The following DYNLL2 variants were observed in gnomAD, a reference collection of about 807,000 sequenced individuals.
DYNLL2 encodes the protein dynein light chain LC8-type 2.
DYNLL2 carries 1 observed loss-of-function variant against 9.7 expected under a neutral mutation model. The observed-to-expected ratio is 0.10, with a 90% CI of 0.04 to 0.49. The LOEUF (loss-of-function observed/expected upper bound fraction) is 0.49. Among genes scored for constraint, DYNLL2 ranks in the 20% least tolerant of loss-of-function variants. The pLI, the probability that DYNLL2 is intolerant of heterozygous loss-of-function variation, is 0.95. For synonymous variants in DYNLL2, 35 were observed against 40.5 expected (o/e 0.86, Z 0.52); for missense variants, 37 against 115.2 (o/e 0.32, Z 3.11).
In DYNLL2 at chr17:58,090,157, G is replaced by T. The variant is rs116575289; in HGVS notation, c.*878G>T. On this transcript the variant is annotated 3_prime_UTR_variant, in exon 3 of 3. Coordinates refer to ENST00000579991, the MANE Select transcript of DYNLL2 (RefSeq NM_080677.3). ...GCTGGCAAGGGAATTTCTGGTGACT[G>T]TAGTTCCTTAGTTAGGTCTTAGCAA... The T allele has an allele frequency of 2.5e-3, 929 of 374,082 alleles. 5 individuals carry two copies. The highest frequency in any genetic ancestry group is 0.017 in the African/African-American group (804 of 48,186). The allele number at this position is 374,082 out of a possible 1,614,324, so 23.2% of individuals were successfully genotyped here. A position where few individuals can be genotyped will look rare whatever the true frequency, so the allele number is the denominator to read the frequency against.
chr17:58,090,684 TGA>T lies in DYNLL2; in HGVS notation c.*1409_*1410del, dbSNP rs1255482066. 1 of 144,608 alleles carries T rather than the reference TGA, an allele frequency of 6.9e-6. No individual in the cohort carries two copies. Among genetic ancestry groups the T allele is most frequent in the African/African-American group, 2.6e-5 (1 of 38,198 alleles). The allele number at this position is 144,608 out of a possible 1,614,324, so 9.0% of individuals were successfully genotyped here. On this transcript the variant is annotated 3_prime_UTR_variant, in exon 3 of 3. Coordinates refer to ENST00000579991, the MANE Select transcript of DYNLL2 (RefSeq NM_080677.3). ...GGACATAGGAGATGGAGCAGGGCTG[TGA>T]GAGGAGGAGATTCTGAGGAGGATGC...
intron 2 of DYNLL2, among the ~76,000 whole-genome samples, chr17:58,088,865 G>C (rs1355449731): frequency 6.6e-6 from 1 of 152,164 alleles, no homozygotes; most frequent in African/African-American, 2.4e-5. Flanking sequence ...GGGGTAGCTA[G>C]AGGGAGGAGA....
chr17:58,090,178 A>G lies in DYNLL2; in HGVS notation c.*899A>G, dbSNP rs137955354. 8.5e-6 allele frequency: 3 copies of G among 353,944 alleles called. No individual in the cohort carries two copies. The highest frequency in any genetic ancestry group is 4.2e-5 in the African/African-American group (2 of 47,760). 21.9% of individuals were successfully genotyped at this position (353,944 alleles called of 1,614,324 possible). A position where few individuals can be genotyped will look rare whatever the true frequency, so the allele number is the denominator to read the frequency against. ...GACTGTAGTTCCTTAGTTAGGTCTT[A>G]GCAATCAAACCAAATTGATGTCTCC... On this transcript the variant is annotated 3_prime_UTR_variant, in exon 3 of 3. Transcript: ENST00000579991.
At chr17:58,088,259 A>G (rs2075767783) in intron 2 of DYNLL2, among the ~76,000 whole-genome samples, 2 of 152,200 alleles carry the variant, frequency 1.3e-5, no homozygotes, top group Admixed American at 1.3e-4. Context: ...TATTACACAT[A>G]GTCTTGAGCC....
At chr17:58,087,370 G>A (rs952919340) in intron 2 of DYNLL2, 148 bp downstream of exon 2, 17 of 1,169,354 alleles carry the variant, frequency 1.5e-5, no homozygotes, top group East Asian at 5.3e-5. Context: ...ACAAACTAGC[G>A]AGTGATTCCG....
chr17:58,088,941 A>G (rs888209702), intron 2 of DYNLL2, among the ~76,000 whole-genome samples: 5 of 152,010 alleles, frequency 3.3e-5, no homozygotes, highest in African/African-American at 1.2e-4. Flanking sequence ...GTGGTGTTCC[A>G]TTATTAATGA....
intron 1 of DYNLL2, among the ~76,000 whole-genome samples, chr17:58,086,010 A>T (rs908795464): frequency 6.6e-6 from 1 of 152,170 alleles, no homozygotes; most frequent in Non-Finnish European, 1.5e-5. Flanking sequence ...CAAAAATTAT[A>T]TTGGGCTTTA....
intron 1 of DYNLL2, among the ~76,000 whole-genome samples, chr17:58,086,345 C>T (rs2075759951): frequency 6.6e-6 from 1 of 152,236 alleles, no homozygotes; most frequent in African/African-American, 2.4e-5. Context: ...TAGCATGTTC[C>T]TGCAACACTT....
intron 2 of DYNLL2, 138 bp from the exon 3 acceptor site, chr17:58,089,004 G>C: frequency 9.7e-7 from 1 of 1,027,430 alleles, no homozygotes; most frequent in Non-Finnish European, 1.4e-6. Flanking sequence ...GGTTCGGGGA[G>C]CTGAGGCTGA....
chr17:58,091,639 G>C lies in DYNLL2; in HGVS notation c.*2360G>C. ...GAACCTGGAGACTATTTAGCAAAGG[G>C]TCTGGCCACTCAGAAATGGAAAGCT... On this transcript the variant is annotated 3_prime_UTR_variant, in exon 3 of 3. Transcript: ENST00000579991. 1 of 152,080 alleles carries C rather than the reference G, an allele frequency of 6.6e-6. No homozygotes were observed. The highest frequency in any genetic ancestry group is 1.9e-4 in the East Asian group (1 of 5,188). 9.4% of individuals were successfully genotyped at this position (152,080 alleles called of 1,614,324 possible). A position where few individuals can be genotyped will look rare whatever the true frequency, so the allele number is the denominator to read the frequency against.
chr17:58,093,856 ACCTGTTG>A lies in DYNLL2; in HGVS notation c.*4585_*4591del, dbSNP rs3834567. 0.063 allele frequency: 9,535 copies of A among 152,086 alleles called. 411 individuals are homozygous for A. The highest frequency in any genetic ancestry group is 0.12 in the South Asian group (571 of 4,810). 9.4% of individuals were successfully genotyped at this position (152,086 alleles called of 1,614,324 possible). On this transcript the variant is annotated 3_prime_UTR_variant, in exon 3 of 3. Coordinates refer to ENST00000579991, the MANE Select transcript of DYNLL2 (RefSeq NM_080677.3). ...CTTCACTACCCTAGTAACAAGTATGACCTGTTGCCTGTTGAGGTCAGGTGTACCTGTG... is the reference window on the plus strand; with the variant it reads ...CTTCACTACCCTAGTAACAAGTATGACCTGTTGAGGTCAGGTGTACCTGTG...
At chr17:58,084,282 C>A (rs2075749580) in intron 1 of DYNLL2, among the ~76,000 whole-genome samples, 1 of 152,122 alleles carries the variant, frequency 6.6e-6, no homozygotes, top group Non-Finnish European at 1.5e-5. Flanking sequence ...TGGAGGGATA[C>A]GGCCCACTTG....
intron 2 of DYNLL2, among the ~76,000 whole-genome samples, chr17:58,087,458 T>C (rs1159832766): frequency 1.3e-5 from 2 of 152,036 alleles, no homozygotes; most frequent in Non-Finnish European, 2.9e-5. Flanking sequence ...ATGTTTACTT[T>C]TACAGGTAAT....
Position 58,089,482 on chromosome 17 carries a change from G to T in DYNLL2, c.*203G>T. 2 of 575,778 alleles carry T rather than the reference G, an allele frequency of 3.5e-6. No individual in the cohort carries two copies. The allele number at this position is 575,778 out of a possible 1,614,324, so 35.7% of individuals were successfully genotyped here. On this transcript the variant is annotated 3_prime_UTR_variant, in exon 3 of 3. Coordinates refer to ENST00000579991, the MANE Select transcript of DYNLL2 (RefSeq NM_080677.3). Reference sequence around the variant, plus strand: ...TTTAGTTGCCTGGGGGAAGAAGGCTGCTTTATGTTTATTTTTCAAGACTTT... The same window carrying T: ...TTTAGTTGCCTGGGGGAAGAAGGCTTCTTTATGTTTATTTTTCAAGACTTT...
Position 58,083,420 on chromosome 17 carries a change from G to A in DYNLL2, c.-273G>A, listed in dbSNP as rs1297360098. 1 of 142,672 alleles carries A rather than the reference G, an allele frequency of 7.0e-6. No individual in the cohort carries two copies. Among genetic ancestry groups the A allele is most frequent in the Non-Finnish European group, 1.5e-5 (1 of 65,124 alleles). The allele number at this position is 142,672 out of a possible 1,614,324, so 8.8% of individuals were successfully genotyped here. A position where few individuals can be genotyped will look rare whatever the true frequency, so the allele number is the denominator to read the frequency against. ...GGGGGCCGCGCGTCGGCCGCGCTCA[G>A]CGGCAGAGCGGAGCGGAGCTGTGAG... On this transcript the variant is annotated 5_prime_UTR_variant, in exon 1 of 3. Coordinates refer to ENST00000579991, the MANE Select transcript of DYNLL2 (RefSeq NM_080677.3).
rs985873264 is a variant in DYNLL2, at chr17:58,092,445, T to A, written c.*3166T>A. Reference sequence around the variant, plus strand: ...CCTGGAGGAGATGAGCCTCCACTTTTCGGGGCCCAGGATGGGAAAGTATGT... The same window carrying A: ...CCTGGAGGAGATGAGCCTCCACTTTACGGGGCCCAGGATGGGAAAGTATGT... On this transcript the variant is annotated 3_prime_UTR_variant, in exon 3 of 3. Coordinates refer to ENST00000579991, the MANE Select transcript of DYNLL2 (RefSeq NM_080677.3). 3 of 152,210 alleles carry A rather than the reference T, an allele frequency of 2.0e-5. No individual in the cohort carries two copies. The highest frequency in any genetic ancestry group is 7.2e-5 in the African/African-American group (3 of 41,434). The allele number at this position is 152,210 out of a possible 1,614,324, so 9.4% of individuals were successfully genotyped here.
rs1309247458 is a variant in DYNLL2, at chr17:58,083,602, C to T, written c.-91C>T. 1 of 154,040 alleles carries T rather than the reference C, an allele frequency of 6.5e-6. No homozygotes were observed. Among genetic ancestry groups the T allele is most frequent in the Non-Finnish European group, 1.4e-5 (1 of 69,242 alleles). The allele number at this position is 154,040 out of a possible 1,614,324, so 9.5% of individuals were successfully genotyped here. ...CGGCTGCTGCAGCTGCAGGAGGAGC[C>T]CAGGGAACACCGCCCCTGCCTGTGC... On this transcript the variant is annotated 5_prime_UTR_variant, in exon 1 of 3. Coordinates refer to ENST00000579991, the MANE Select transcript of DYNLL2 (RefSeq NM_080677.3).
At chr17:58,087,425 G>A (rs2075764118) in intron 2 of DYNLL2, among the ~76,000 whole-genome samples, 2 of 151,012 alleles carry the variant, frequency 1.3e-5, no homozygotes, top group South Asian at 4.2e-4. Context: ...AGCTCTGCCA[G>A]GTGTGTGTGT....
rs2075763105 is a variant in DYNLL2, at chr17:58,087,167, C to T, written c.77C>T (p.Thr26Met). 1 of 1,614,182 alleles carries T rather than the reference C, an allele frequency of 6.2e-7. No homozygotes were observed. The highest frequency in any genetic ancestry group is 8.5e-7 in the Non-Finnish European group (1 of 1,180,036). The change falls in exon 2 of 3, where the codon ACG (threonine) becomes ATG (methionine). Residue 26 changes from threonine (T) to methionine (M), a missense_variant. Transcript: ENST00000579991. ...DMQQDAVDCA[T>M]QAMEKYNIEK... ...CAACAGGATGCCGTTGACTGCGCCA[C>T]GCAGGCCATGGAGAAGTACAATATA...
Sources: gnomAD v4.1 joint callset for allele counts (sites outside exome capture counted in the v4.1 genomes callset) on GRCh38, gnomAD v4.1.1 for gene constraint, MANE v1.5 for transcripts, NCBI Gene and HGNC (gene_info 2026-07-23, HGNC 2026-07-21) for gene names.